SEPTIN8: variants seen among roughly 807,000 people sequenced by gnomAD.
SEPTIN8 encodes septin 8, also known as septin-8.
Under a neutral mutation model 53.1 loss-of-function variants are expected in SEPTIN8, and 22 were observed. The ratio of observed to expected loss-of-function variants is 0.41; its 90% CI spans 0.30 to 0.59. The LOEUF (loss-of-function observed/expected upper bound fraction) is 0.59, where lower values mean the gene tolerates loss of function less well. SEPTIN8 is among the 20% of genes least tolerant of loss of function. The pLI is 0.24. For missense variants in SEPTIN8, 536 were observed against 638.7 expected (o/e 0.84, Z 1.73); for synonymous variants, 228 against 248.4 (o/e 0.92, Z 0.77).
chr5:132,752,821 T>G (rs190342627), intron 9 of SEPTIN8: 1 of 1,542,706 alleles, frequency 6.5e-7, no homozygotes, highest in South Asian at 1.1e-5. Context: ...TTTCTTAGAA[T>G]GTATGATGGT....
At chr5:132,766,201 C>T (rs1390732779) in intron 1 of SEPTIN8, among the ~76,000 whole-genome samples, 2 of 152,208 alleles carry the variant, frequency 1.3e-5, no homozygotes, top group African/African-American at 4.8e-5. Context: ...TTCAAAGGGA[C>T]TGAGACTCTG....
Position 132,751,911 on chromosome 5 carries a change from G to A in SEPTIN8, c.*105C>T, listed in dbSNP as rs747439972. On this transcript the variant is annotated 3_prime_UTR_variant, in exon 10 of 10. Transcript: ENST00000378719. Reference sequence around the variant, plus strand: ...TAAATTGTTTGCACTTTTGATCATTGATATAGGAAAAGTATGGCGTTTTCT... The same window carrying A: ...TAAATTGTTTGCACTTTTGATCATTAATATAGGAAAAGTATGGCGTTTTCT... The A allele has an allele frequency of 7.0e-5, 107 of 1,534,200 alleles. No homozygotes were observed. The highest frequency in any genetic ancestry group is 8.5e-5 in the Non-Finnish European group (96 of 1,132,510).
Position 132,776,637 on chromosome 5 carries a change from T to C in SEPTIN8, c.30+471A>G, listed in dbSNP as rs1439795538. Among the ~76,000 whole-genome samples the C allele has an allele frequency of 3.3e-5, 5 of 152,134 alleles. No individual in the cohort carries two copies. Among genetic ancestry groups the C allele is most frequent in the Non-Finnish European group, 7.4e-5 (5 of 68,004 alleles). On this transcript the variant is annotated intron_variant, in intron 1 of 9. Coordinates refer to ENST00000378719, the MANE Select transcript of SEPTIN8 (RefSeq NM_001098811.2). The surrounding 1 kb of genome is among the most constrained non-coding windows in gnomAD (Gnocchi z 4.4). ...TCAGGACTCAAGTCTGCAACTGTCC[T>C]GGGCTCGTGTGGGAGACTCTCTCGG...
In SEPTIN8 at chr5:132,762,653, G is replaced by A; in HGVS notation, c.535-8C>T. On this transcript the variant is annotated splice_region_variant and splice_polypyrimidine_tract_variant and intron_variant, in intron 4 of 9. Transcript: ENST00000378719. ...GATGGGAATAATGTTCACCTGCCAG[G>A]ATCAGGGGAGGGGACAGCAGGCTGG... The A allele has an allele frequency of 6.2e-7, 1 of 1,614,180 alleles. No homozygotes were observed. Among genetic ancestry groups the A allele is most frequent in the Non-Finnish European group, 8.5e-7 (1 of 1,180,014 alleles).
At chr5:132,764,505 C>T in intron 2 of SEPTIN8, 86 bp from the exon 3 acceptor site, 1 of 1,143,402 alleles carries the variant, frequency 8.7e-7, no homozygotes, top group Non-Finnish European at 1.2e-6. Flanking sequence ...CCAGGCAGGG[C>T]TCAGGCATCC....
chr5:132,758,726 A>G (rs1032851554), intron 9 of SEPTIN8: 2 of 1,612,214 alleles, frequency 1.2e-6, no homozygotes, highest in East Asian at 2.2e-5. Flanking sequence ...CCGTCCTCAC[A>G]CCATGTTATG....
At position 132,760,829 on chromosome 5, in the gene SEPTIN8, G is replaced by T. The variant is rs770251513; in HGVS notation, c.1259C>A (p.Pro420His). The T allele has an allele frequency of 5.6e-6, 9 of 1,613,728 alleles. No individual in the cohort carries two copies. The highest frequency in any genetic ancestry group is 1.3e-5 in the African/African-American group (1 of 74,944). The change falls in exon 9 of 10, where the codon CCC becomes CAC. Residue 420 changes from proline (P) to histidine (H), a missense_variant. Physicochemically the swap from Pro to His is moderately conservative, Grantham distance 77. Coordinates refer to ENST00000378719, the MANE Select transcript of SEPTIN8 (RefSeq NM_001098811.2). This position sits in a 1 kb window ranked among gnomAD's most constrained non-coding sequence, Gnocchi z 5.2. The part of the protein sequence containing the change: ...SQALHATSQQ[P>H]LRKDKDKKNR... ...CTTCTTGTCCTTGTCCTTCCTCAGG[G>T]GCTGCTGCGAGGTGGCGTGCAAGGC...
Position 132,777,092 on chromosome 5 carries a change from C to T in SEPTIN8, c.30+16G>A, listed in dbSNP as rs1757877984. 6 of 1,164,454 alleles carry T rather than the reference C, an allele frequency of 5.2e-6. No individual in the cohort carries two copies. Among genetic ancestry groups the T allele is most frequent in the Non-Finnish European group, 6.4e-6 (6 of 944,360 alleles). 72.1% of individuals were successfully genotyped at this position (1,164,454 alleles called of 1,614,324 possible). A position where few individuals can be genotyped will look rare whatever the true frequency, so the allele number is the denominator to read the frequency against. On this transcript the variant is annotated intron_variant, in intron 1 of 9. Transcript: ENST00000378719. This position sits in a 1 kb window ranked among gnomAD's most constrained non-coding sequence, Gnocchi z 4.1. ...CCGCGCCTCCCGCGCGCGCCGTGGC[C>T]CAGCGGGGCCCTCACCGAGAAGCGC...
chr5:132,752,203 A>G, intron 9 of SEPTIN8, 22 bp from the exon 10 acceptor site: 2 of 1,560,768 alleles, frequency 1.3e-6, no homozygotes, highest in South Asian at 2.4e-5. Context: ...ACAGGTAGAC[A>G]TCAACTTTGC....
intron 1 of SEPTIN8, among the ~76,000 whole-genome samples, chr5:132,768,594 T>A (rs1244287781): frequency 6.6e-6 from 1 of 152,212 alleles, no homozygotes; most frequent in East Asian, 1.9e-4. Flanking sequence ...TCAGCTACCA[T>A]GACTCAGAAA....
chr5:132,755,915 G>A (rs1288083918), intron 9 of SEPTIN8: 2 of 938,218 alleles, frequency 2.1e-6, no homozygotes, highest in East Asian at 2.4e-4. Flanking sequence ...GAACAGACAA[G>A]CTGTATTTTA....
intron 9 of SEPTIN8, chr5:132,755,925 A>G (rs1755287067): frequency 1.0e-6 from 1 of 965,648 alleles, no homozygotes; most frequent in Non-Finnish European, 1.2e-6. Flanking sequence ...GCTGTATTTT[A>G]CCACAGTTGT....
At chr5:132,756,680 G>T in intron 9 of SEPTIN8, 1 of 985,468 alleles carries the variant, frequency 1.0e-6, no homozygotes, top group Non-Finnish European at 1.2e-6. Context: ...AGGGACCTGT[G>T]GAGGCAGCTC....
In SEPTIN8 at chr5:132,765,497, C is replaced by G; in HGVS notation, c.63G>C (p.Leu21=). Residue 21 remains leucine (L), a synonymous_variant, in exon 2 of 10, where the codon CTG becomes CTC. Coordinates refer to ENST00000378719, the MANE Select transcript of SEPTIN8 (RefSeq NM_001098811.2). Reference sequence around the variant, plus strand: ...GGCTGTCGAAACCCACATGGCCGCCCAGGGAGAGGCTCCGGGGCTCTGGCT... The same window carrying G: ...GGCTGTCGAAACCCACATGGCCGCCGAGGGAGAGGCTCCGGGGCTCTGGCT... The part of the protein sequence containing the change: ...NAEPEPRSLS[L]GGHVGFDSLP... 6.2e-7 allele frequency: 1 copy of G among 1,611,006 alleles called. No homozygotes were observed. Among genetic ancestry groups the G allele is most frequent in the Non-Finnish European group, 8.5e-7 (1 of 1,178,500 alleles).
At chr5:132,771,702 C>T (rs900673546) in intron 1 of SEPTIN8, among the ~76,000 whole-genome samples, 1 of 152,168 alleles carries the variant, frequency 6.6e-6, no homozygotes, top group African/African-American at 2.4e-5. Flanking sequence ...CTTAAATAGC[C>T]AGAGCAGAGG....
At chr5:132,770,026 C>T (rs55784383) in intron 1 of SEPTIN8, among the ~76,000 whole-genome samples, 75 of 55,140 alleles carry the variant, frequency 1.4e-3, no homozygotes, top group African/African-American at 1.9e-3. Flanking sequence ...TATATATACA[C>T]ACACATATAT....
rs542399030 is a variant in SEPTIN8 at position 132,764,426 on chromosome 5, A to C, written c.152-7T>G. ...TTGCCAATGCCGGTCTCCCCTGGGCAGTGAGGACAGGAGGGGAAGAAGTGG... is the reference window on the plus strand; with the variant it reads ...TTGCCAATGCCGGTCTCCCCTGGGCCGTGAGGACAGGAGGGGAAGAAGTGG... On this transcript the variant is annotated splice_polypyrimidine_tract_variant and splice_region_variant and intron_variant, in intron 2 of 9. Coordinates refer to ENST00000378719, the MANE Select transcript of SEPTIN8 (RefSeq NM_001098811.2). The C allele has an allele frequency of 7.4e-5, 119 of 1,608,542 alleles. 2 individuals carry two copies. In the South Asian group the frequency reaches 1.2e-3, roughly 17 times the overall value.
rs1755961205 is a variant in SEPTIN8 at position 132,761,586 on chromosome 5, C to T, written c.834G>A (p.Glu278=). 3 of 1,613,966 alleles carry T rather than the reference C, an allele frequency of 1.9e-6. No individual in the cohort carries two copies. The highest frequency in any genetic ancestry group is 2.2e-5 in the East Asian group (1 of 44,896). The part of the protein sequence containing the change: ...ENHCDFVKLR[E]MLIRVNMEDL... ...CTTCCATGTTCACCCGGATCAACAT[C>T]TCCCGCAGCTTCACGAAGTCGCAGT... Residue 278 remains glutamate (E), a synonymous_variant, in exon 7 of 10, where the codon GAG becomes GAA. Coordinates refer to ENST00000378719, the MANE Select transcript of SEPTIN8 (RefSeq NM_001098811.2). The surrounding 1 kb of genome is among the most constrained non-coding windows in gnomAD (Gnocchi z 5.8).
In SEPTIN8 at chr5:132,776,552, C is replaced by G. The variant is rs1432074284; in HGVS notation, c.30+556G>C. Among the ~76,000 whole-genome samples, 1 of 152,140 alleles carries G rather than the reference C, an allele frequency of 6.6e-6. No individual in the cohort carries two copies. The highest frequency in any genetic ancestry group is 1.5e-5 in the Non-Finnish European group (1 of 68,012). ...CCTGCCTGGAGTCGCACCCAGGATT[C>G]CGGCGTGGGGAGCGGGGCAGAGGGG... is the stretch of plus-strand genomic sequence containing the variant. On this transcript the variant is annotated intron_variant, in intron 1 of 9. Transcript: ENST00000378719. This position sits in a 1 kb window ranked among gnomAD's most constrained non-coding sequence, Gnocchi z 4.4.
Sources: allele counts gnomAD v4.1 joint callset (sites outside exome capture counted in the v4.1 genomes callset), GRCh38; gene constraint gnomAD v4.1.1; non-coding constraint Gnocchi (gnomAD v3.1); transcripts MANE v1.5; gene names NCBI Gene and HGNC (gene_info 2026-07-23, HGNC 2026-07-21).